HEATR1: variants seen among roughly 807,000 people sequenced by gnomAD.
HEATR1 encodes the protein HEAT repeat containing 1, also known as HEAT repeat-containing protein 1.
HEATR1 carries 77 observed loss-of-function variants against 248.2 expected under a neutral mutation model. That is an observed-to-expected ratio of 0.31 (90% confidence interval 0.26 to 0.37). HEATR1 has a LOEUF of 0.37. Among genes scored for constraint, HEATR1 ranks in the 10% least tolerant of loss-of-function variants. The probability of loss-of-function intolerance (pLI) is 1.00; values close to 1 mark genes in which losing one functional copy is unlikely to be tolerated. For synonymous variants in HEATR1, 897 were observed against 923.1 expected, an observed-to-expected ratio of 0.97 and a Z score of 0.51; for missense variants, 2,420 against 2,504.9, an observed-to-expected ratio of 0.97 and a Z score of 0.72.
In HEATR1 at chr1:236,595,536, A is replaced by T. The variant is rs1572053339; in HGVS notation, c.1090+4T>A. On this transcript the variant is annotated splice_donor_region_variant and intron_variant, in intron 8 of 44. Coordinates refer to ENST00000366582, the MANE Select transcript of HEATR1 (RefSeq NM_018072.6). Reference sequence around the variant, plus strand: ...TTCTGGACAAAAAATATAAAACCACACACCTGTAACATGATGAATGATGGA... The same window carrying T: ...TTCTGGACAAAAAATATAAAACCACTCACCTGTAACATGATGAATGATGGA... 3 of 1,598,814 alleles carry T rather than the reference A, an allele frequency of 1.9e-6. No homozygotes were observed. The East Asian group carries it at 6.7e-5, about 36-fold the overall frequency.
At chr1:236,572,908 G>T in intron 24 of HEATR1, 80 bp from the exon 25 acceptor site, 1 of 1,262,044 alleles carries the variant, frequency 7.9e-7, no homozygotes, top group Non-Finnish European at 1.1e-6. Context: ...CCCCTAGGAA[G>T]GATTTATTCA....
chr1:236,600,118 A>ATT (rs67344658), intron 3 of HEATR1, among the ~76,000 whole-genome samples: 1,090 of 50,316 alleles, frequency 0.022, 249 homozygotes, highest in East Asian at 0.06. Flanking sequence ...GTCTGTCAAC[A>ATT]TTTTTTTTTT....
chr1:236,556,405 C>A (rs952272030), intron 37 of HEATR1, 147 bp from the exon 38 acceptor site: 12 of 838,362 alleles, frequency 1.4e-5, no homozygotes, highest in Non-Finnish European at 2.2e-5. Context: ...TTAAAGTCAG[C>A]CCTAAACGTC....
At chr1:236,556,396 T>C in intron 37 of HEATR1, 138 bp from the exon 38 acceptor site, 1 of 882,462 alleles carries the variant, frequency 1.1e-6, no homozygotes, top group Non-Finnish European at 1.7e-6. Context: ...GAATTCCTTT[T>C]AAAGTCAGCC....
chr1:236,575,682 C>A (rs1378940526), intron 22 of HEATR1, among the ~76,000 whole-genome samples: 2 of 152,178 alleles, frequency 1.3e-5, no homozygotes, highest in East Asian at 1.9e-4. Context: ...AGCACACAGG[C>A]ATTTCTGTAA....
rs1663734179 is a variant in HEATR1 at position 236,581,394 on chromosome 1, A to G, written c.2583T>C (p.Phe861=). The change falls in exon 20 of 45, where the codon TTT becomes TTC. Residue 861 remains phenylalanine, a synonymous_variant. Coordinates refer to ENST00000366582, the MANE Select transcript of HEATR1 (RefSeq NM_018072.6). ...LFIKVHLEDV[F]QLFKFCSVLW... is the part of the protein sequence containing the mutation. ...AAACAGAACAGAACTTGAATAACTG[A>G]AAAACATCTTCTAGATGCACCTAAT... 6.5e-7 allele frequency: 1 copy of G among 1,546,060 alleles called. No individual in the cohort carries two copies. The highest frequency in any genetic ancestry group is 1.2e-5 in the South Asian group (1 of 80,524).
intron 42 of HEATR1, 52 bp downstream of exon 42, chr1:236,554,546 G>A: frequency 1.9e-6 from 3 of 1,566,652 alleles, no homozygotes; most frequent in South Asian, 1.2e-5. Context: ...AACCTGCCAA[G>A]CTCGAACAGT....
intron 19 of HEATR1, 79 bp from the exon 20 acceptor site, chr1:236,581,493 C>T: frequency 2.0e-6 from 2 of 1,001,858 alleles, no homozygotes; most frequent in South Asian, 3.8e-5. Flanking sequence ...CACTAGTGTA[C>T]AATTATAAAG....
At position 236,561,289 on chromosome 1, in the gene HEATR1, CGTCATTAGAACGGTAGGGAA is replaced by C; in HGVS notation, c.4600-38_4600-19del. ...TCAACTACCTAATTTTTAAAGAAGA[CGTCATTAGAACGGTAGGGAA>C]GTCAATAATAAAAGTCATTTCAAGT... On this transcript the variant is annotated intron_variant, in intron 32 of 44. Coordinates refer to ENST00000366582, the MANE Select transcript of HEATR1 (RefSeq NM_018072.6). 6.2e-7 allele frequency: 1 copy of C among 1,601,678 alleles called. No homozygotes were observed. Among genetic ancestry groups the C allele is most frequent in the Non-Finnish European group, 8.6e-7 (1 of 1,169,022 alleles).
In HEATR1 at chr1:236,552,027, G is replaced by A. The variant is rs1365013319; in HGVS notation, c.6318C>T (p.Ser2106=). ...CCATCAACTCTGCTAAGAAAGGAAT[G>A]GATTCTGGTAGCAAGACAATATAAT... The part of the protein sequence containing the change: ...KENYIVLLPE[S]IPFLAELMED... The change falls in exon 44 of 45, where the codon TCC becomes TCT. Residue 2106 remains serine, a synonymous_variant. Transcript: ENST00000366582. 1 of 1,611,616 alleles carries A rather than the reference G, an allele frequency of 6.2e-7. No individual in the cohort carries two copies. Among genetic ancestry groups the A allele is most frequent in the Admixed American group, 1.7e-5 (1 of 59,984 alleles).
At chr1:236,554,055 A>G (rs925578510) in intron 42 of HEATR1, among the ~76,000 whole-genome samples, 1 of 152,180 alleles carries the variant, frequency 6.6e-6, no homozygotes, top group African/African-American at 2.4e-5. Flanking sequence ...ATGACAGCTT[A>G]TATCATGTCT....
chr1:236,588,229 ATTGT>A (rs1230373170), intron 12 of HEATR1, among the ~76,000 whole-genome samples, 186 bp from the exon 13 acceptor site: 3 of 152,206 alleles, frequency 2.0e-5, no homozygotes, highest in Admixed American at 6.5e-5. Flanking sequence ...GAGATTAATA[ATTGT>A]TTGGTACAAA....
intron 28 of HEATR1, among the ~76,000 whole-genome samples, chr1:236,570,132 C>T (rs971908980): frequency 1.3e-5 from 2 of 151,858 alleles, no homozygotes; most frequent in African/African-American, 4.8e-5. Context: ...ACTAAAAATA[C>T]AAAAAAATTA....
intron 11 of HEATR1, 100 bp downstream of exon 11, chr1:236,591,892 TC>T (rs1315890230): frequency 1.5e-6 from 1 of 652,646 alleles, no homozygotes; most frequent in Non-Finnish European, 2.7e-6. Context: ...TGTAAAATTT[TC>T]CACACAAGGG....
chr1:236,571,489 G>A lies in HEATR1; in HGVS notation c.3827-17C>T. 6.2e-7 allele frequency: 1 copy of A among 1,613,438 alleles called. No homozygotes were observed. The highest frequency in any genetic ancestry group is 1.3e-5 in the African/African-American group (1 of 74,966). ...CTAAAATATCTACAATGGTGAGAAA[G>A]ACAAAAACCCTAAGTGGCAGGTACA... On this transcript the variant is annotated splice_polypyrimidine_tract_variant and intron_variant, in intron 27 of 44. Transcript: ENST00000366582.
At chr1:236,585,788 A>G (rs1490629526) in intron 16 of HEATR1, 32 bp downstream of exon 16, 3 of 1,602,786 alleles carry the variant, frequency 1.9e-6, no homozygotes, top group Admixed American at 1.7e-5. Context: ...TGAGAAAGAA[A>G]TCCAGGGGGT....
chr1:236,598,683 G>C (rs1664238899), intron 4 of HEATR1, among the ~76,000 whole-genome samples: 1 of 152,088 alleles, frequency 6.6e-6, no homozygotes, highest in African/African-American at 2.4e-5. Context: ...TAATTAAAAA[G>C]TCCTCATTAC....
chr1:236,568,885 T>TA (rs775657083), intron 29 of HEATR1, 111 bp downstream of exon 29: 13,391 of 308,898 alleles, frequency 0.043, 75 homozygotes, highest in African/African-American at 0.1. Context: ...TTGAGGATAT[T>TA]AAAAAAAAAA....
intron 17 of HEATR1, among the ~76,000 whole-genome samples, chr1:236,583,611 C>A (rs819656): frequency 6.6e-6 from 1 of 151,472 alleles, no homozygotes; most frequent in Non-Finnish European, 1.5e-5. Flanking sequence ...TTCAGCCTCC[C>A]GAGTAGGAAG....
Sources: allele counts gnomAD v4.1 joint callset (sites outside exome capture counted in the v4.1 genomes callset), GRCh38; gene constraint gnomAD v4.1.1; transcripts MANE v1.5; gene names NCBI Gene and HGNC (gene_info 2026-07-23, HGNC 2026-07-21).